Variants in NSUN3 observed in about 807,000 individuals in gnomAD.
NSUN3 encodes the protein tRNA (cytosine(34)-C(5))-methyltransferase, mitochondrial.
A neutral mutation model predicts 36.8 loss-of-function variants in NSUN3; 24 were observed. The observed-to-expected ratio is 0.65, with a 90% CI of 0.47 to 0.92. The LOEUF (loss-of-function observed/expected upper bound fraction) is 0.92, where lower values mean the gene tolerates loss of function less well. Ranked by LOEUF, NSUN3 falls within the 40% of genes least tolerant of loss-of-function variation. The pLI, the probability that NSUN3 is intolerant of heterozygous loss-of-function variation, is 0.00. For missense variants in NSUN3, 381 were observed against 392.8 expected (o/e 0.97, Z 0.25); for synonymous variants, 146 against 145.2 (o/e 1.01, Z -0.04).
In NSUN3 at chr3:94,131,727, T is replaced by C. The variant is rs2077508924; in HGVS notation, c.*5237T>C. Among the ~76,000 whole-genome samples, 1 of 152,230 alleles carries C rather than the reference T, an allele frequency of 6.6e-6. No homozygotes were observed. Among genetic ancestry groups the C allele is most frequent in the African/African-American group, 2.4e-5 (1 of 41,468 alleles). On this transcript the variant is annotated 3_prime_UTR_variant, in exon 6 of 6. Coordinates refer to ENST00000314622, the MANE Select transcript of NSUN3 (RefSeq NM_022072.5). Reference sequence around the variant, plus strand: ...CACTGAGTTACTTTCAAAATAGCTTTATAAAAATTTAGGTTGCTTACCAAC... The same window carrying C: ...CACTGAGTTACTTTCAAAATAGCTTCATAAAAATTTAGGTTGCTTACCAAC...
At chr3:94,071,376 T>C (rs986845154) in intron 2 of NSUN3, among the ~76,000 whole-genome samples, 12 of 152,174 alleles carry the variant, frequency 7.9e-5, no homozygotes, top group Non-Finnish European at 1.5e-4. Context: ...TGAAGTTATA[T>C]GAAGTAGAAT....
intron 5 of NSUN3, among the ~76,000 whole-genome samples, chr3:94,105,293 G>C (rs149424404): frequency 4.7e-4 from 72 of 152,222 alleles, no homozygotes; most frequent in Admixed American, 3.7e-3. Context: ...GAAAAACCAC[G>C]ATCCAGCCTA....
intron 2 of NSUN3, chr3:94,075,988 C>A: frequency 6.3e-7 from 1 of 1,596,980 alleles, no homozygotes; most frequent in South Asian, 1.1e-5. Flanking sequence ...GCCACACTTG[C>A]ATGATATTGT....
intron 2 of NSUN3, among the ~76,000 whole-genome samples, chr3:94,082,665 TAACTC>T (rs1269149891): frequency 6.6e-6 from 1 of 152,172 alleles, no homozygotes; most frequent in Non-Finnish European, 1.5e-5. Context: ...GGCTCCCAAA[TAACTC>T]AGCTAGAAAG....
intron 5 of NSUN3, among the ~76,000 whole-genome samples, chr3:94,120,538 G>A (rs1392926158): frequency 6.6e-6 from 1 of 151,972 alleles, no homozygotes; most frequent in Non-Finnish European, 1.5e-5. Context: ...TTTGTGACTG[G>A]CTTATTTCAC....
chr3:94,111,834 AG>A (rs1280971732), intron 5 of NSUN3, among the ~76,000 whole-genome samples: 60 of 151,488 alleles, frequency 4.0e-4, no homozygotes, highest in African/African-American at 1.4e-3. Context: ...TTTTTTAAGA[AG>A]GAGGACCTGC....
At chr3:94,064,625 T>TGA (rs1215089264) in intron 2 of NSUN3, 79 bp downstream of exon 2, 9 of 898,786 alleles carry the variant, frequency 1.0e-5, no homozygotes, top group Non-Finnish European at 1.4e-5. Context: ...AGGGATGCTG[T>TGA]GAGGTTAAAA....
chr3:94,064,676 C>A, intron 2 of NSUN3, 130 bp downstream of exon 2: 1 of 569,936 alleles, frequency 1.8e-6, no homozygotes, highest in Non-Finnish European at 3.1e-6. Flanking sequence ...CCTACTGAAG[C>A]TATAGAAAGG....
At position 94,126,717 on chromosome 3, in the gene NSUN3, C is replaced by T. The variant is rs1286944227; in HGVS notation, c.*227C>T. The T allele has an allele frequency of 9.1e-6, 4 of 438,536 alleles. No individual in the cohort carries two copies. The highest frequency in any genetic ancestry group is 7.2e-5 in the East Asian group (2 of 27,690). The allele number at this position is 438,536 out of a possible 1,614,324, so 27.2% of individuals were successfully genotyped here. A position where few individuals can be genotyped will look rare whatever the true frequency, so the allele number is the denominator to read the frequency against. On this transcript the variant is annotated 3_prime_UTR_variant, in exon 6 of 6. Coordinates refer to ENST00000314622, the MANE Select transcript of NSUN3 (RefSeq NM_022072.5). ...TAAGGTGGTGCAGATGGTGTTTGTT[C>T]TATATTATAAATCTGCTGTCTTTGC... is the stretch of plus-strand genomic sequence containing the variant.
intron 5 of NSUN3, among the ~76,000 whole-genome samples, chr3:94,114,580 A>G (rs984364823): frequency 1.5e-4 from 23 of 152,216 alleles, no homozygotes; most frequent in African/African-American, 4.8e-4. Flanking sequence ...TTTATTCAGG[A>G]AGATTCTTTC....
chr3:94,090,044 G>T (rs1265180238), intron 3 of NSUN3, among the ~76,000 whole-genome samples: 1 of 152,066 alleles, frequency 6.6e-6, no homozygotes, highest in Non-Finnish European at 1.5e-5. Flanking sequence ...GGAAAAACTG[G>T]AAAGAAGGCA....
chr3:94,126,298 T>G lies in NSUN3; in HGVS notation c.831T>G (p.Ser277Arg), dbSNP rs774880945. The change falls in exon 6 of 6, where the codon AGT (serine) becomes AGG (arginine). Residue 277 changes from serine to arginine, a missense_variant. Ser to Arg is a moderately radical substitution (Grantham distance 110, BLOSUM62 -1). Coordinates refer to ENST00000314622, the MANE Select transcript of NSUN3 (RefSeq NM_022072.5). ...LSKAENQDVI[S>R]EILNSHGNIM... is the part of the protein sequence containing the mutation. ...AGGCAGAAAATCAAGATGTGATCAG[T>G]GAAATTTTAAACTCCCACGGTAACA... 17 of 1,613,990 alleles carry G rather than the reference T, an allele frequency of 1.1e-5. No homozygotes were observed. In the South Asian group the frequency reaches 1.9e-4, roughly 18 times the overall value.
chr3:94,105,750 C>T (rs1019035564), intron 5 of NSUN3, among the ~76,000 whole-genome samples: 1 of 150,184 alleles, frequency 6.7e-6, no homozygotes, highest in South Asian at 2.1e-4. Flanking sequence ...CACACACATA[C>T]ACACACACAC....
intron 5 of NSUN3, among the ~76,000 whole-genome samples, chr3:94,107,799 A>G (rs1002260779): frequency 1.3e-5 from 2 of 152,098 alleles, no homozygotes; most frequent in African/African-American, 4.8e-5. Flanking sequence ...TTACTTTAAA[A>G]AGGTTACCAA....
chr3:94,102,344 A>C (rs1436099161), intron 5 of NSUN3, among the ~76,000 whole-genome samples: 1 of 152,088 alleles, frequency 6.6e-6, no homozygotes, highest in Non-Finnish European at 1.5e-5. Context: ...TTTATATTGG[A>C]AAAATAATAT....
In NSUN3 at chr3:94,117,305, A is replaced by G. The variant is rs575162518; in HGVS notation, c.744-8906A>G. On this transcript the variant is annotated intron_variant, in intron 5 of 5. Coordinates refer to ENST00000314622, the MANE Select transcript of NSUN3 (RefSeq NM_022072.5). Reference sequence around the variant, plus strand: ...GTGAGTCACCACGCCCGGCCTCACAACTTAATTTTTAAAAACCTGTAGGTT... The same window carrying G: ...GTGAGTCACCACGCCCGGCCTCACAGCTTAATTTTTAAAAACCTGTAGGTT... Among the ~76,000 whole-genome samples, 180 of 152,064 alleles carry G rather than the reference A, an allele frequency of 1.2e-3. 1 individual carries two copies. Among genetic ancestry groups the G allele is most frequent in the Non-Finnish European group, 1.9e-3 (131 of 67,976 alleles).
At chr3:94,085,694 G>A (rs1187133435) in intron 3 of NSUN3, among the ~76,000 whole-genome samples, 1 of 152,102 alleles carries the variant, frequency 6.6e-6, no homozygotes. Context: ...GGGAGGCAGA[G>A]ATTACAGTGA....
Position 94,130,878 on chromosome 3 carries a change from CAA to C in NSUN3, c.*4390_*4391del, listed in dbSNP as rs1255431467. On this transcript the variant is annotated 3_prime_UTR_variant, in exon 6 of 6. Coordinates refer to ENST00000314622, the MANE Select transcript of NSUN3 (RefSeq NM_022072.5). ...TGCCAGGCCAGTCCTGCAAAGCCAG[CAA>C]AGTTTCATTTTCATTCAACCCTTTT... is the stretch of plus-strand genomic sequence containing the variant. Among the ~76,000 whole-genome samples, 1 of 152,142 alleles carries C rather than the reference CAA, an allele frequency of 6.6e-6. No homozygotes were observed. The highest frequency in any genetic ancestry group is 2.4e-5 in the African/African-American group (1 of 41,448).
At chr3:94,091,748 GGTGA>G (rs2077315950) in intron 3 of NSUN3, among the ~76,000 whole-genome samples, 1 of 152,210 alleles carries the variant, frequency 6.6e-6, no homozygotes, top group Non-Finnish European at 1.5e-5. Context: ...TTGAATGAAA[GGTGA>G]GTAAGACCTC....
Sources: gnomAD v4.1 joint callset for allele counts (sites outside exome capture counted in the v4.1 genomes callset) on GRCh38, gnomAD v4.1.1 for gene constraint, MANE v1.5 for transcripts, NCBI Gene and HGNC (gene_info 2026-07-23, HGNC 2026-07-21) for gene names.